Variants in NBAS observed in about 807,000 individuals in gnomAD.
NBAS encodes the protein NAG/BC035112 fusion.
NBAS carries 219 observed loss-of-function variants against 302.5 expected under a neutral mutation model. That is an observed-to-expected ratio of 0.72 (90% CI 0.65 to 0.81). The LOEUF is 0.81. Ranked by LOEUF, NBAS falls within the 30% of genes least tolerant of loss-of-function variation. The probability of loss-of-function intolerance (pLI) is 0.00; values close to 1 mark genes in which losing one functional copy is unlikely to be tolerated. For missense variants in NBAS, 2,932 were observed against 2,841.6 expected (o/e 1.03, Z -0.72); for synonymous variants, 1,118 against 1,021.6 (o/e 1.09, Z -1.80).
In NBAS at chr2:15,478,604, T is replaced by C. The variant is rs563798945; in HGVS notation, c.1084-315A>G. Among the ~76,000 whole-genome samples the C allele has an allele frequency of 7.2e-5, 11 of 152,312 alleles. 1 individual carries two copies. The South Asian group carries it at 1.5e-3, about 20-fold the overall frequency. ...AATTCATCCTATACACATGCACACA[T>C]GTGATGAATAAACACTGGCCTGGAT... On this transcript the variant is annotated intron_variant, in intron 12 of 51. Coordinates refer to ENST00000281513, the MANE Select transcript of NBAS (RefSeq NM_015909.4).
chr2:15,536,977 G>T (rs1663550650), intron 7 of NBAS, among the ~76,000 whole-genome samples: 1 of 152,186 alleles, frequency 6.6e-6, no homozygotes, highest in Non-Finnish European at 1.5e-5. Flanking sequence ...TGCCTAATCA[G>T]CAACCTAAAG....
intron 35 of NBAS, among the ~76,000 whole-genome samples, chr2:15,340,554 T>C (rs770078126): frequency 6.6e-6 from 1 of 152,132 alleles, no homozygotes; most frequent in Non-Finnish European, 1.5e-5. Context: ...CAGCTGTACA[T>C]TCAAGTCCGG....
chr2:15,150,801 T>C, the NBAS span, among the ~76,000 whole-genome samples: 2 of 152,342 alleles, frequency 1.3e-5, no homozygotes, highest in East Asian at 3.9e-4. Context: ...CTAAGGTCAC[T>C]GTAAAGTTCG....
chr2:15,453,640 T>G (rs760742772), intron 21 of NBAS, among the ~76,000 whole-genome samples: 1 of 152,228 alleles, frequency 6.6e-6, no homozygotes, highest in Non-Finnish European at 1.5e-5. Flanking sequence ...CATATTTTCA[T>G]ACTTTACTCA....
intron 11 of NBAS, among the ~76,000 whole-genome samples, chr2:15,492,993 A>T (rs973904652): frequency 2.3e-4 from 35 of 152,072 alleles, no homozygotes; most frequent in African/African-American, 8.0e-4. Flanking sequence ...TGTAATCCCC[A>T]TGTGTCAGGG....
chr2:15,273,993 TG>T (rs1190714212), intron 44 of NBAS, among the ~76,000 whole-genome samples: 10 of 151,428 alleles, frequency 6.6e-5, no homozygotes, highest in African/African-American at 2.4e-4. Context: ...AGCAGGAGAA[TG>T]GCATGAACCC....
intron 44 of NBAS, among the ~76,000 whole-genome samples, chr2:15,268,951 G>A (rs1558489964): frequency 6.6e-6 from 1 of 152,190 alleles, no homozygotes. Context: ...AAAATTCAGG[G>A]AGAAGCACGC....
At chr2:14,994,476 G>A in the NBAS span, among the ~76,000 whole-genome samples, 3 of 152,154 alleles carry the variant, frequency 2.0e-5, no homozygotes, top group Non-Finnish European at 4.4e-5. Context: ...CATGTGCCAG[G>A]GTGGGCTATG....
the NBAS span, among the ~76,000 whole-genome samples, chr2:15,068,794 C>T: frequency 6.6e-6 from 1 of 152,170 alleles, no homozygotes; most frequent in African/African-American, 2.4e-5. Context: ...TCTTTATCTA[C>T]CTGTATTAAT....
At chr2:15,311,741 GGAA>G (rs908598497) in intron 38 of NBAS, among the ~76,000 whole-genome samples, 14 of 152,162 alleles carry the variant, frequency 9.2e-5, no homozygotes, top group Admixed American at 2.6e-4. Context: ...ACCTCTCTAC[GGAA>G]GAAGTTAGAT....
At chr2:14,983,613 G>A in the NBAS span, among the ~76,000 whole-genome samples, 1 of 152,114 alleles carries the variant, frequency 6.6e-6, no homozygotes, top group Non-Finnish European at 1.5e-5. Context: ...AATCAATGAA[G>A]AAAAGTTAAA....
At chr2:14,964,106 T>G in the NBAS span, among the ~76,000 whole-genome samples, 1 of 152,148 alleles carries the variant, frequency 6.6e-6, no homozygotes, top group Non-Finnish European at 1.5e-5. Context: ...TACCAAACAC[T>G]GAACAAGGTA....
chr2:14,958,034 C>T, the NBAS span, among the ~76,000 whole-genome samples: 8 of 152,220 alleles, frequency 5.3e-5, no homozygotes, highest in African/African-American at 1.4e-4. Flanking sequence ...TTCTCTGGCC[C>T]TCTGACAGAT....
At chr2:15,297,673 T>G (rs1479918857) in intron 40 of NBAS, among the ~76,000 whole-genome samples, 1 of 152,236 alleles carries the variant, frequency 6.6e-6, no homozygotes, top group Middle Eastern at 3.2e-3. Flanking sequence ...AAACCTCTTT[T>G]CTTCATAAAT....
chr2:15,257,895 GA>G (rs1668674777), intron 44 of NBAS, among the ~76,000 whole-genome samples: 1 of 152,110 alleles, frequency 6.6e-6, no homozygotes, highest in African/African-American at 2.4e-5. Context: ...ATATAAAATA[GA>G]AAACTGACAT....
chr2:15,035,300 A>G, the NBAS span, among the ~76,000 whole-genome samples: 1 of 152,176 alleles, frequency 6.6e-6, no homozygotes, highest in African/African-American at 2.4e-5. Flanking sequence ...GCCAGTCAGA[A>G]TGGCGATTGT....
At chr2:15,238,963 A>G (rs936474198) in intron 44 of NBAS, among the ~76,000 whole-genome samples, 1 of 152,192 alleles carries the variant, frequency 6.6e-6, no homozygotes, top group African/African-American at 2.4e-5. Flanking sequence ...TTACAGTGCA[A>G]AAATGAGGAG....
chr2:15,527,655 T>A (rs577071144), intron 9 of NBAS, among the ~76,000 whole-genome samples: 3 of 152,288 alleles, frequency 2.0e-5, no homozygotes, highest in Admixed American at 2.0e-4. Flanking sequence ...AGCCCTCATG[T>A]CTTAATGCCG....
intron 51 of NBAS, among the ~76,000 whole-genome samples, chr2:15,170,482 G>A (rs10179251): frequency 0.29 from 44,107 of 152,132 alleles, 7,022 homozygotes; most frequent in African/African-American, 0.43. Flanking sequence ...CCTAAAGAAC[G>A]ATAAAGGTCT....
Sources: allele counts gnomAD v4.1 joint callset (sites outside exome capture counted in the v4.1 genomes callset), GRCh38; gene constraint gnomAD v4.1.1; transcripts MANE v1.5; gene names NCBI Gene and HGNC (gene_info 2026-07-23, HGNC 2026-07-21).